Variants in CACNA2D3 observed in about 807,000 individuals in gnomAD.
CACNA2D3 encodes the protein voltage-dependent calcium channel subunit alpha-2/delta-3.
In CACNA2D3, 60 loss-of-function variants were observed where a neutral mutation model predicts 160.6. The ratio of observed to expected loss-of-function variants is 0.37; its 90% CI spans 0.30 to 0.46. CACNA2D3 has a LOEUF of 0.46. Ranked by LOEUF, CACNA2D3 falls within the 20% of genes least tolerant of loss-of-function variation. The probability of loss-of-function intolerance (pLI) is 1.00; values close to 1 mark genes in which losing one functional copy is unlikely to be tolerated. For synonymous variants in CACNA2D3, 558 were observed against 492.9 expected (o/e 1.13, Z -1.75); for missense variants, 1,205 against 1,365.0 (o/e 0.88, Z 1.85).
chr3:54,143,177 G>T (rs1370557588), intron 2 of CACNA2D3, among the ~76,000 whole-genome samples: 1 of 152,188 alleles, frequency 6.6e-6, no homozygotes, highest in Non-Finnish European at 1.5e-5. Flanking sequence ...TTTCTTCCCA[G>T]GATTGAAGAA....
At chr3:54,137,426 T>G (rs1189811443) in intron 2 of CACNA2D3, among the ~76,000 whole-genome samples, 1 of 152,224 alleles carries the variant, frequency 6.6e-6, no homozygotes, top group Admixed American at 6.5e-5. Context: ...TTACTAGCCC[T>G]TTAACAGAAA....
chr3:54,203,768 G>A (rs1701218394), intron 2 of CACNA2D3, among the ~76,000 whole-genome samples: 1 of 151,994 alleles, frequency 6.6e-6, no homozygotes, highest in Non-Finnish European at 1.5e-5. Context: ...CTTCCTCGAT[G>A]TCCTCTCGCT....
Position 55,018,317 on chromosome 3 carries a change from A to G in CACNA2D3, c.2987A>G (p.Lys996Arg). ...TGNIACEDCS[K>R]SFVIQQIPSS... is the part of the protein sequence containing the mutation. The stretch of plus-strand genomic sequence containing the variant: ...AATATTGCTTGTGAAGACTGCTCCA[A>G]GTAAGCCATCCCCCCACCCTCTAAC... Residue 996 changes from lysine (K) to arginine (R), a missense_variant and splice_region_variant, in exon 35 of 38, where the codon AAG (lysine) becomes AGG (arginine). Physicochemically the swap from Lys to Arg is conservative, Grantham distance 26. Transcript: ENST00000474759. 2 of 1,587,804 alleles carry G rather than the reference A, an allele frequency of 1.3e-6. No homozygotes were observed. The highest frequency in any genetic ancestry group is 2.2e-5 in the South Asian group (2 of 90,120).
At chr3:54,698,573 C>T (rs564702046) in intron 11 of CACNA2D3, among the ~76,000 whole-genome samples, 3 of 152,270 alleles carry the variant, frequency 2.0e-5, no homozygotes, top group Non-Finnish European at 2.9e-5. Flanking sequence ...ACCACAAATA[C>T]TTGACATTCG....
intron 35 of CACNA2D3, among the ~76,000 whole-genome samples, chr3:55,050,337 G>T (rs1301205265): frequency 1.3e-5 from 2 of 152,050 alleles, no homozygotes; most frequent in Middle Eastern, 3.4e-3. Flanking sequence ...TGTCTGTAAA[G>T]TATTTTATTT....
intron 11 of CACNA2D3, among the ~76,000 whole-genome samples, chr3:54,645,445 C>A (rs1040245709): frequency 7.9e-5 from 12 of 152,182 alleles, no homozygotes; most frequent in Non-Finnish European, 1.8e-4. Flanking sequence ...CAGTTTGGGT[C>A]CAACATTCCT....
At chr3:54,302,094 C>T (rs1559915214) in intron 2 of CACNA2D3, among the ~76,000 whole-genome samples, 1 of 152,186 alleles carries the variant, frequency 6.6e-6, no homozygotes, top group Non-Finnish European at 1.5e-5. Flanking sequence ...TGTGTAACAG[C>T]ACCAAGCTGA....
At chr3:54,227,847 C>G (rs1265821239) in intron 2 of CACNA2D3, among the ~76,000 whole-genome samples, 1 of 152,182 alleles carries the variant, frequency 6.6e-6, no homozygotes, top group African/African-American at 2.4e-5. Flanking sequence ...CTGCACCCGG[C>G]CTGTCCACGT....
intron 2 of CACNA2D3, among the ~76,000 whole-genome samples, chr3:54,201,114 A>T (rs971808642): frequency 6.6e-6 from 1 of 151,932 alleles, no homozygotes; most frequent in Non-Finnish European, 1.5e-5. Flanking sequence ...TAGTACAGCA[A>T]AACGAATGTG....
intron 2 of CACNA2D3, among the ~76,000 whole-genome samples, chr3:54,203,239 G>C (rs978316868): frequency 1.3e-5 from 2 of 152,158 alleles, no homozygotes; most frequent in Middle Eastern, 3.2e-3. Flanking sequence ...AAACGGGAAG[G>C]GTCCCCTTGT....
At chr3:54,931,160 T>C (rs1430556955) in intron 27 of CACNA2D3, among the ~76,000 whole-genome samples, 1 of 151,936 alleles carries the variant, frequency 6.6e-6, no homozygotes, top group African/African-American at 2.4e-5. Flanking sequence ...CTTCAAAGAG[T>C]CTGAGCTGGC....
intron 16 of CACNA2D3, among the ~76,000 whole-genome samples, chr3:54,840,403 CTTTTTTTTTT>C (rs1174129020): frequency 4.1e-5 from 3 of 73,454 alleles, no homozygotes; most frequent in East Asian, 9.7e-4. Context: ...AGAACCATGT[CTTTTTTTTTT>C]TTTTTTTTTT....
chr3:54,557,702 C>T (rs1446795739), intron 5 of CACNA2D3, among the ~76,000 whole-genome samples: 1 of 152,036 alleles, frequency 6.6e-6, no homozygotes. Flanking sequence ...CGGGTTTTGC[C>T]GCTAGGGGTG....
chr3:54,707,268 C>A (rs544217075), intron 11 of CACNA2D3, among the ~76,000 whole-genome samples: 2 of 152,312 alleles, frequency 1.3e-5, no homozygotes, highest in East Asian at 3.9e-4. Context: ...TCATTCTTGG[C>A]ATTTTGGAGG....
At chr3:54,727,921 T>C (rs1019383129) in intron 11 of CACNA2D3, among the ~76,000 whole-genome samples, 18 of 152,200 alleles carry the variant, frequency 1.2e-4, no homozygotes, top group Admixed American at 1.2e-3. Flanking sequence ...AAAAAAGATA[T>C]GTTCTGTCAT....
At chr3:54,231,856 A>AG (rs1428169993) in intron 2 of CACNA2D3, among the ~76,000 whole-genome samples, 1 of 127,632 alleles carries the variant, frequency 7.8e-6, no homozygotes, top group Admixed American at 8.0e-5. Flanking sequence ...GGTGAATGGA[A>AG]GGGGGGTGGT....
At chr3:54,557,703 G>A (rs7371994) in intron 5 of CACNA2D3, among the ~76,000 whole-genome samples, 40,414 of 151,938 alleles carry the variant, frequency 0.27, 5,545 homozygotes, top group Middle Eastern at 0.38. Context: ...GGGTTTTGCC[G>A]CTAGGGGTGA....
chr3:54,593,682 T>C (rs1444871204), intron 9 of CACNA2D3, among the ~76,000 whole-genome samples: 2 of 152,196 alleles, frequency 1.3e-5, no homozygotes, highest in Non-Finnish European at 2.9e-5. Context: ...GGATATAACT[T>C]CTGCTGATTT....
At chr3:54,535,182 T>G (rs1701869476) in intron 5 of CACNA2D3, among the ~76,000 whole-genome samples, 1 of 152,316 alleles carries the variant, frequency 6.6e-6, no homozygotes, top group South Asian at 2.1e-4. Context: ...ATCTGGGAAC[T>G]TGTTAGAAAT....
Sources: allele counts gnomAD v4.1 joint callset (sites outside exome capture counted in the v4.1 genomes callset), GRCh38; gene constraint gnomAD v4.1.1; transcripts MANE v1.5; gene names NCBI Gene and HGNC (gene_info 2026-07-23, HGNC 2026-07-21).